Variants in SCARA5 observed in about 807,000 individuals in gnomAD.
The protein encoded by SCARA5 is scavenger receptor class A member 5, also known as scavenger receptor class A, member 5 (putative).
A neutral mutation model predicts 46.3 loss-of-function variants in SCARA5; 45 were observed. That is an observed-to-expected ratio of 0.97 (90% CI 0.76 to 1.24). SCARA5 has a LOEUF of 1.24. Ranked by LOEUF, SCARA5 falls within the 50% of genes most tolerant of loss-of-function variation. SCARA5 has a pLI of 0.00. For missense variants in SCARA5, 680 were observed against 689.0 expected (o/e 0.99, Z 0.15); for synonymous variants, 333 against 306.5 (o/e 1.09, Z -0.90).
At chr8:27,879,483 T>C in intron 8 of SCARA5, 86 bp downstream of exon 8, 2 of 1,339,904 alleles carry the variant, frequency 1.5e-6, no homozygotes, top group Non-Finnish European at 2.1e-6. Flanking sequence ...GGAATTGCAG[T>C]GGAAGGGACT....
At position 27,870,130 on chromosome 8, in the gene SCARA5, C is replaced by T. The variant is rs1403787416; in HGVS notation, c.*1804G>A. ...AAAGACCAAGTAAGAGAGTTATGTG[C>T]GTCTTCATGGAAGGGATAACTGGAT... is the stretch of plus-strand genomic sequence containing the variant. On this transcript the variant is annotated 3_prime_UTR_variant, in exon 9 of 9. Transcript: ENST00000354914. The T allele has an allele frequency of 2.0e-5, 3 of 151,422 alleles. No individual in the cohort carries two copies. Among genetic ancestry groups the T allele is most frequent in the Non-Finnish European group, 2.9e-5 (2 of 67,982 alleles). The allele number at this position is 151,422 out of a possible 1,614,324, so 9.4% of individuals were successfully genotyped here.
At chr8:27,891,203 T>G (rs371476653) in intron 7 of SCARA5, among the ~76,000 whole-genome samples, 3,036 of 52,152 alleles carry the variant, frequency 0.058, 122 homozygotes, top group African/African-American at 0.12. Context: ...AGGTTTGTTT[T>G]TTTTTTGTTT....
chr8:27,904,535 C>G, intron 7 of SCARA5: 1 of 586,076 alleles, frequency 1.7e-6, no homozygotes, highest in South Asian at 2.3e-5. Flanking sequence ...CGGGGGAAGC[C>G]TCCAGATCCA....
chr8:27,989,377 C>T (rs1377200069), intron 1 of SCARA5, among the ~76,000 whole-genome samples: 2 of 152,082 alleles, frequency 1.3e-5, no homozygotes, highest in Non-Finnish European at 2.9e-5. Context: ...CTCCACTGGC[C>T]TCAGCCTCCC....
intron 3 of SCARA5, among the ~76,000 whole-genome samples, chr8:27,961,567 C>T (rs1331106444): frequency 6.6e-6 from 1 of 152,186 alleles, no homozygotes; most frequent in Non-Finnish European, 1.5e-5. Context: ...ACGCTGATTT[C>T]CCCCGTTTTC....
At chr8:27,976,057 A>G (rs1265721588) in intron 2 of SCARA5, among the ~76,000 whole-genome samples, 4 of 152,006 alleles carry the variant, frequency 2.6e-5, no homozygotes, top group African/African-American at 7.3e-5. Context: ...CTTGAGAACA[A>G]TCAAGGGTGT....
At chr8:27,903,924 T>A (rs566910413) in intron 7 of SCARA5, among the ~76,000 whole-genome samples, 12 of 152,194 alleles carry the variant, frequency 7.9e-5, no homozygotes, top group Admixed American at 2.6e-4. Flanking sequence ...CAGAGCCAAC[T>A]AACACCACAT....
chr8:27,986,682 G>A (rs1023820681), intron 2 of SCARA5, among the ~76,000 whole-genome samples: 34 of 152,144 alleles, frequency 2.2e-4, no homozygotes, highest in Admixed American at 7.9e-4. Context: ...ATGCAGGGTC[G>A]GAGGAAGAGA....
In SCARA5 at chr8:27,975,162, T is replaced by C. The variant is rs541188424; in HGVS notation, c.113-8620A>G. 2.6e-5 allele frequency among the ~76,000 whole-genome samples: 4 copies of C among 152,232 alleles called. No homozygotes were observed. In the East Asian group the frequency reaches 7.7e-4, roughly 29 times the overall value. ...AGCCAGCGATTTAATCAATCATGCC[T>C]ACATAATGAAGCTTCCATAAAAACC... On this transcript the variant is annotated intron_variant, in intron 2 of 8. Coordinates refer to ENST00000354914, the MANE Select transcript of SCARA5 (RefSeq NM_173833.6).
intron 3 of SCARA5, among the ~76,000 whole-genome samples, chr8:27,927,541 AT>A (rs1189943870): frequency 2.0e-5 from 3 of 151,980 alleles, no homozygotes; most frequent in African/African-American, 7.2e-5. Flanking sequence ...TTTTATAAGC[AT>A]TTTTTATCCT....
At chr8:27,911,109 T>G (rs1807366982) in intron 4 of SCARA5, among the ~76,000 whole-genome samples, 1 of 152,296 alleles carries the variant, frequency 6.6e-6, no homozygotes, top group East Asian at 1.9e-4. Flanking sequence ...GAGCCCTCCC[T>G]GCCAACCTCC....
intron 7 of SCARA5, among the ~76,000 whole-genome samples, chr8:27,900,272 G>A (rs17058183): frequency 0.059 from 9,016 of 152,296 alleles, 421 homozygotes; most frequent in African/African-American, 0.13. Context: ...GTACAGCAAA[G>A]TCTAGGCACA....
At chr8:27,875,927 G>A (rs1474893510) in intron 8 of SCARA5, among the ~76,000 whole-genome samples, 2 of 152,156 alleles carry the variant, frequency 1.3e-5, no homozygotes, top group Non-Finnish European at 2.9e-5. Context: ...CTTGAGCCTG[G>A]GAGGTCGAGG....
intron 3 of SCARA5, among the ~76,000 whole-genome samples, chr8:27,951,559 G>T (rs1436438913): frequency 6.6e-6 from 1 of 152,234 alleles, no homozygotes; most frequent in Non-Finnish European, 1.5e-5. Context: ...GCAGTGCCAG[G>T]GTCAGGAGAC....
At position 27,909,659 on chromosome 8, in the gene SCARA5, T is replaced by C; in HGVS notation, c.997+4A>G. 1 of 1,545,012 alleles carries C rather than the reference T, an allele frequency of 6.5e-7. No homozygotes were observed. The highest frequency in any genetic ancestry group is 8.8e-7 in the Non-Finnish European group (1 of 1,141,148). The stretch of plus-strand genomic sequence containing the variant: ...CAGGTACCACCCAGGGGCACGCTCA[T>C]TACCTCGAAGTCCAGGCAATCCAGG... On this transcript the variant is annotated splice_donor_region_variant and intron_variant, in intron 5 of 8. Coordinates refer to ENST00000354914, the MANE Select transcript of SCARA5 (RefSeq NM_173833.6).
At chr8:27,943,010 GACCTGC>G (rs974809373) in intron 3 of SCARA5, among the ~76,000 whole-genome samples, 6 of 152,138 alleles carry the variant, frequency 3.9e-5, no homozygotes, top group Non-Finnish European at 8.8e-5. Context: ...TGCTCAAGGT[GACCTGC>G]ACCCTCTGTG....
chr8:27,987,456 A>G (rs1563203035), intron 2 of SCARA5, 48 bp downstream of exon 2: 1 of 1,366,796 alleles, frequency 7.3e-7, no homozygotes, highest in Non-Finnish European at 1.0e-6. Flanking sequence ...CTCCTTCCCC[A>G]CCCCCAGGCC....
intron 2 of SCARA5, 40 bp downstream of exon 2, chr8:27,987,462 AGG>A: frequency 7.0e-7 from 1 of 1,425,756 alleles, no homozygotes; most frequent in Non-Finnish European, 9.9e-7. Context: ...CCCCACCCCC[AGG>A]CCAGATCTTG....
intron 2 of SCARA5, among the ~76,000 whole-genome samples, chr8:27,982,392 G>C (rs1366948771): frequency 6.8e-6 from 1 of 146,114 alleles, no homozygotes; most frequent in Non-Finnish European, 1.5e-5. Context: ...GTGGGGTGGG[G>C]GGCGGGAGGA....
Sources: allele counts gnomAD v4.1 joint callset (sites outside exome capture counted in the v4.1 genomes callset), GRCh38; gene constraint gnomAD v4.1.1; transcripts MANE v1.5; gene names NCBI Gene and HGNC (gene_info 2026-07-23, HGNC 2026-07-21).